Variants in SOX5 observed in about 807,000 individuals in gnomAD.
SOX5 encodes the protein SRY-box transcription factor 5.
A neutral mutation model predicts 92.0 loss-of-function variants in SOX5; 9 were observed. The observed-to-expected ratio is 0.10, with a 90% confidence interval of 0.06 to 0.17. The LOEUF (loss-of-function observed/expected upper bound fraction) is 0.17, where lower values mean the gene tolerates loss of function less well. SOX5 is among the 10% of genes least tolerant of loss of function. The probability of loss-of-function intolerance (pLI) is 1.00; values close to 1 mark genes in which losing one functional copy is unlikely to be tolerated. For synonymous variants in SOX5, 344 were observed against 336.3 expected, an observed-to-expected ratio of 1.02 and a Z score of -0.25; for missense variants, 642 against 944.5, an observed-to-expected ratio of 0.68 and a Z score of 4.20.
intron 4 of SOX5, among the ~76,000 whole-genome samples, chr12:24,159,598 T>A (rs1369207896): frequency 6.6e-6 from 1 of 151,980 alleles, no homozygotes; most frequent in Non-Finnish European, 1.5e-5. Flanking sequence ...ACCCAGCATC[T>A]CATTAACTGA....
chr12:23,927,624 C>T (rs1356705353), intron 1 of SOX5, among the ~76,000 whole-genome samples: 2 of 152,000 alleles, frequency 1.3e-5, no homozygotes, highest in Admixed American at 1.3e-4. Flanking sequence ...TCTAAAGTCT[C>T]TCCATCATAG....
intron 4 of SOX5, among the ~76,000 whole-genome samples, chr12:24,117,548 C>A (rs1237791547): frequency 6.6e-6 from 1 of 152,012 alleles, no homozygotes; most frequent in Non-Finnish European, 1.5e-5. Context: ...TCACAGAAGC[C>A]AACATATGAA....
At chr12:23,638,316 T>C (rs1374173301) in intron 8 of SOX5, 2 of 152,180 alleles carry the variant, frequency 1.3e-5, no homozygotes, top group African/African-American at 4.8e-5. Context: ...TGACTAACGA[T>C]GGAAGGGGAA....
intron 4 of SOX5, among the ~76,000 whole-genome samples, chr12:23,996,820 G>C (rs1039020586): frequency 6.6e-6 from 1 of 152,200 alleles, no homozygotes; most frequent in African/African-American, 2.4e-5. Flanking sequence ...GGTCTAATGG[G>C]AAGGGAAAAT....
At chr12:24,241,973 C>A (rs527285923) in intron 3 of SOX5, among the ~76,000 whole-genome samples, 2 of 152,186 alleles carry the variant, frequency 1.3e-5, no homozygotes, top group Admixed American at 6.5e-5. Flanking sequence ...AATAAAAATA[C>A]CAGAAGCATC....
intron 2 of SOX5, among the ~76,000 whole-genome samples, chr12:23,864,197 A>G (rs889079603): frequency 6.6e-6 from 1 of 152,150 alleles, no homozygotes; most frequent in African/African-American, 2.4e-5. Flanking sequence ...CCGCACCCAT[A>G]TAAGATGGTG....
chr12:24,029,463 T>G (rs1028047405), intron 4 of SOX5, among the ~76,000 whole-genome samples: 5 of 151,846 alleles, frequency 3.3e-5, no homozygotes, highest in African/African-American at 1.2e-4. Flanking sequence ...TTTGTACAGA[T>G]GAGACCTCCC....
intron 5 of SOX5, among the ~76,000 whole-genome samples, chr12:23,739,751 G>A (rs1567366882): frequency 1.3e-5 from 2 of 152,118 alleles, no homozygotes; most frequent in Non-Finnish European, 2.9e-5. Context: ...TAACATGGCT[G>A]CCTTTTGTAT....
chr12:24,466,470 T>C (rs1566235923), intron 1 of SOX5, among the ~76,000 whole-genome samples: 1 of 152,280 alleles, frequency 6.6e-6, no homozygotes, highest in East Asian at 1.9e-4. Flanking sequence ...TCTCATTAAT[T>C]ATAAGTCATC....
intron 2 of SOX5, among the ~76,000 whole-genome samples, chr12:23,886,388 G>T (rs935856472): frequency 6.6e-6 from 1 of 152,072 alleles, no homozygotes; most frequent in Non-Finnish European, 1.5e-5. Flanking sequence ...AGTACAATAG[G>T]TAGTTGAATC....
At chr12:23,592,352 T>C (rs144764513) in intron 9 of SOX5, among the ~76,000 whole-genome samples, 6 of 152,344 alleles carry the variant, frequency 3.9e-5, no homozygotes, top group African/African-American at 1.4e-4. Flanking sequence ...AACATATTTC[T>C]TAAACTGTTG....
intron 1 of SOX5, among the ~76,000 whole-genome samples, chr12:24,494,257 C>A (rs1245978510): frequency 6.6e-6 from 1 of 152,192 alleles, no homozygotes; most frequent in East Asian, 1.9e-4. Flanking sequence ...GCTCCTCTTG[C>A]ACCTATAAAG....
At chr12:23,914,391 T>G (rs2097389167) in intron 1 of SOX5, among the ~76,000 whole-genome samples, 1 of 152,186 alleles carries the variant, frequency 6.6e-6, no homozygotes, top group African/African-American at 2.4e-5. Context: ...CAACATAGGC[T>G]TAATTAAATA....
At chr12:23,933,841 G>A (rs944803152) in intron 1 of SOX5, among the ~76,000 whole-genome samples, 1 of 151,378 alleles carries the variant, frequency 6.6e-6, no homozygotes, top group Non-Finnish European at 1.5e-5. Context: ...CCTCAATCTC[G>A]GCAAGAATAC....
At chr12:23,757,890 G>A in intron 3 of SOX5, among the ~76,000 whole-genome samples, 1 of 151,000 alleles carries the variant, frequency 6.6e-6, no homozygotes, top group East Asian at 2.0e-4. Context: ...TAAAGAAACA[G>A]CAGCCAGATT....
At chr12:23,745,359 C>T (rs769112902) in intron 4 of SOX5, among the ~76,000 whole-genome samples, 3 of 152,028 alleles carry the variant, frequency 2.0e-5, no homozygotes, top group Non-Finnish European at 4.4e-5. Context: ...ACAAATCTAT[C>T]CTCTAAAACT....
intron 4 of SOX5, among the ~76,000 whole-genome samples, chr12:23,983,531 T>C (rs1481528144): frequency 6.6e-6 from 1 of 152,166 alleles, no homozygotes; most frequent in East Asian, 1.9e-4. Flanking sequence ...TAGTGAGTGG[T>C]TGGGCTAGAT....
intron 4 of SOX5, among the ~76,000 whole-genome samples, chr12:24,120,855 ACAGT>A (rs1948539502): frequency 6.6e-6 from 1 of 152,222 alleles, no homozygotes; most frequent in African/African-American, 2.4e-5. Flanking sequence ...GAGACATTCA[ACAGT>A]CAGACTTCTG....
At chr12:24,017,913 G>A (rs886191790) in intron 4 of SOX5, among the ~76,000 whole-genome samples, 2 of 152,092 alleles carry the variant, frequency 1.3e-5, no homozygotes, top group African/African-American at 4.8e-5. Flanking sequence ...GCGTTGTCAG[G>A]GGACTAGGCA....
Sources: gnomAD v4.1 joint callset for allele counts (sites outside exome capture counted in the v4.1 genomes callset) on GRCh38, gnomAD v4.1.1 for gene constraint, MANE v1.5 for transcripts, NCBI Gene and HGNC (gene_info 2026-07-23, HGNC 2026-07-21) for gene names.